The following AXDND1 variants were observed in gnomAD, a reference collection of about 807,000 sequenced individuals.
The protein encoded by AXDND1 is axonemal dynein light chain domain containing 1.
AXDND1 carries 110 observed loss-of-function variants against 137.5 expected under a neutral mutation model. That is an observed-to-expected ratio of 0.80 (90% CI 0.69 to 0.94). The LOEUF is 0.94. Ranked by LOEUF, AXDND1 falls within the 40% of genes least tolerant of loss-of-function variation. AXDND1 has a pLI of 0.00. For synonymous variants in AXDND1, 414 were observed against 399.7 expected, an observed-to-expected ratio of 1.04 and a Z score of -0.43; for missense variants, 1,191 against 1,169.8, an observed-to-expected ratio of 1.02 and a Z score of -0.26.
At chr1:179,448,759 T>C (rs1660091769) in intron 16 of AXDND1, 1 of 163,560 alleles carries the variant, frequency 6.1e-6, no homozygotes, top group Admixed American at 6.0e-5. Context: ...TATTTTCTTT[T>C]TTGTTTGTAC....
chr1:179,421,367 C>CTTTTTTTTT (rs199703017), intron 12 of AXDND1, among the ~76,000 whole-genome samples: 4 of 107,228 alleles, frequency 3.7e-5, no homozygotes, highest in African/African-American at 1.2e-4. Context: ...TTTTCTTTTC[C>CTTTTTTTTT]TTTTTTTTTT....
At chr1:179,385,195 A>C (rs1472095384) in intron 8 of AXDND1, 43 bp from the exon 9 acceptor site, 1 of 1,558,992 alleles carries the variant, frequency 6.4e-7, no homozygotes. Context: ...GTTTTTTACT[A>C]AGACTGTAAT....
At chr1:179,389,336 TG>T (rs1649755823) in intron 9 of AXDND1, among the ~76,000 whole-genome samples, 1 of 152,234 alleles carries the variant, frequency 6.6e-6, no homozygotes, top group African/African-American at 2.4e-5. Context: ...AATCTGCTAT[TG>T]GTTATTTCTT....
chr1:179,460,020 C>CCTTCCTCTCCTTCCTTCCTTCCTT (rs559356425), intron 16 of AXDND1, among the ~76,000 whole-genome samples: 15 of 101,386 alleles, frequency 1.5e-4, no homozygotes, highest in Middle Eastern at 4.4e-3. Context: ...CTCCTTCCTT[C>CCTTCCTCTCCTTCCTTCCTTCCTT]CTTCTTTCAT....
intron 25 of AXDND1, among the ~76,000 whole-genome samples, chr1:179,547,930 G>A (rs941645538): frequency 1.8e-4 from 27 of 152,162 alleles, no homozygotes; most frequent in Non-Finnish European, 7.3e-5. Flanking sequence ...AAGGGGGATT[G>A]TCTGAGTTTT....
Position 179,554,463 on chromosome 1 carries a change from A to T in AXDND1, c.3032-49A>T, listed in dbSNP as rs1423094126. The T allele has an allele frequency of 6.2e-6, 10 of 1,613,992 alleles. No homozygotes were observed. Among genetic ancestry groups the T allele is most frequent in the Non-Finnish European group, 7.6e-6 (9 of 1,180,016 alleles). ...TTTATCATACAGTTCTTGCTAGTTA[A>T]TTTCCTACCCACATTTCTATTCTCT... On this transcript the variant is annotated intron_variant, in intron 25 of 25. Coordinates refer to ENST00000367618, the MANE Select transcript of AXDND1 (RefSeq NM_144696.6).
chr1:179,412,940 T>C (rs1231379282), intron 12 of AXDND1, among the ~76,000 whole-genome samples: 1 of 152,194 alleles, frequency 6.6e-6, no homozygotes, highest in Non-Finnish European at 1.5e-5. Flanking sequence ...TTTATTGGGT[T>C]GTGGAAGTTC....
chr1:179,386,410 T>G (rs1649234900), intron 9 of AXDND1, among the ~76,000 whole-genome samples: 1 of 152,164 alleles, frequency 6.6e-6, no homozygotes, highest in African/African-American at 2.4e-5. Context: ...TGGTGTAGTT[T>G]TTTTTCACGT....
chr1:179,368,300 T>G (rs1667672438), intron 2 of AXDND1, among the ~76,000 whole-genome samples: 1 of 152,208 alleles, frequency 6.6e-6, no homozygotes, highest in Non-Finnish European at 1.5e-5. Flanking sequence ...ACAATCCCAG[T>G]TCCATCTTTA....
At chr1:179,456,317 A>C in intron 16 of AXDND1, 1 of 752,404 alleles carries the variant, frequency 1.3e-6, no homozygotes, top group Middle Eastern at 3.8e-4. Context: ...CTCCACCACC[A>C]CAGGGGACAG....
chr1:179,405,558 A>T (rs886439028), intron 11 of AXDND1, among the ~76,000 whole-genome samples: 4 of 152,032 alleles, frequency 2.6e-5, no homozygotes, highest in African/African-American at 9.7e-5. Context: ...TACTGATTCA[A>T]TCTTGTTACT....
At chr1:179,506,865 C>T (rs1464854165) in intron 20 of AXDND1, 1 of 985,320 alleles carries the variant, frequency 1.0e-6, no homozygotes, top group African/African-American at 1.7e-5. Flanking sequence ...ATTTGGTCCT[C>T]CAAAAGGACT....
At chr1:179,532,746 A>G (rs1039567976) in intron 23 of AXDND1, among the ~76,000 whole-genome samples, 1 of 151,806 alleles carries the variant, frequency 6.6e-6, no homozygotes, top group African/African-American at 2.4e-5. Flanking sequence ...CTGGCTGGGC[A>G]TGGTGGTGTG....
intron 21 of AXDND1, among the ~76,000 whole-genome samples, chr1:179,513,756 G>GT (rs1572136413): frequency 6.6e-6 from 1 of 151,916 alleles, no homozygotes; most frequent in Admixed American, 6.6e-5. Flanking sequence ...CTATTGGTCT[G>GT]TTCAGGGTAT....
intron 16 of AXDND1, chr1:179,448,103 CATT>C (rs1659995535): frequency 1.1e-6 from 1 of 885,230 alleles, no homozygotes; most frequent in African/African-American, 2.0e-5. Context: ...TCAAATTCCT[CATT>C]AATTATTTTT....
At chr1:179,490,978 T>G (rs1666820505) in intron 18 of AXDND1, among the ~76,000 whole-genome samples, 1 of 152,196 alleles carries the variant, frequency 6.6e-6, no homozygotes, top group Admixed American at 6.5e-5. Context: ...TGCCTTGATG[T>G]GCAATTTGAG....
chr1:179,456,152 C>G, intron 16 of AXDND1: 1 of 587,484 alleles, frequency 1.7e-6, no homozygotes, highest in South Asian at 1.5e-5. Context: ...GCTGAGTTCA[C>G]AAATCTGTTG....
intron 18 of AXDND1, among the ~76,000 whole-genome samples, chr1:179,484,914 T>A (rs1183457600): frequency 2.0e-5 from 3 of 152,282 alleles, no homozygotes; most frequent in South Asian, 4.1e-4. Flanking sequence ...ACTGCTAACC[T>A]TGTGCCTGCC....
intron 16 of AXDND1, among the ~76,000 whole-genome samples, chr1:179,446,502 A>T (rs966614873): frequency 5.3e-5 from 8 of 152,232 alleles, no homozygotes; most frequent in Non-Finnish European, 1.2e-4. Context: ...TCCTTGGTAC[A>T]CTGTGTCTAC....
Sources: allele counts gnomAD v4.1 joint callset (sites outside exome capture counted in the v4.1 genomes callset), GRCh38; gene constraint gnomAD v4.1.1; transcripts MANE v1.5; gene names NCBI Gene and HGNC (gene_info 2026-07-23, HGNC 2026-07-21).